The following RAD51D variants were observed in gnomAD, a reference collection of about 807,000 sequenced individuals.
The protein encoded by RAD51D is RAD51 paralog D, also known as DNA repair protein RAD51 homolog 4.
Under a neutral mutation model 44.1 loss-of-function variants are expected in RAD51D, and 38 were observed. The observed-to-expected ratio is 0.86, with a 90% CI of 0.67 to 1.13. The LOEUF (loss-of-function observed/expected upper bound fraction) is 1.13, where lower values mean the gene tolerates loss of function less well. RAD51D is among the 50% of genes most tolerant of loss of function. RAD51D has a pLI of 0.00. For missense variants in RAD51D, 390 were observed against 414.0 expected, an observed-to-expected ratio of 0.94 and a Z score of 0.50; for synonymous variants, 141 against 166.6, an observed-to-expected ratio of 0.85 and a Z score of 1.18.
At chr17:35,101,098 G>GC (rs2091530190) in intron 9 of RAD51D, 62 bp from the exon 10 acceptor site, 1 of 1,604,838 alleles carries the variant, frequency 6.2e-7, no homozygotes, top group Admixed American at 1.7e-5. Context: ...TTCTTTAGTT[G>GC]CAAGGTTTCA....
rs757986080 is a variant in RAD51D at position 35,101,363 on chromosome 17, C to A, written c.741G>T (p.Val247=). 1 of 1,613,496 alleles carries A rather than the reference C, an allele frequency of 6.2e-7. No homozygotes were observed. The highest frequency in any genetic ancestry group is 1.1e-5 in the South Asian group (1 of 91,046). Residue 247 remains valine (V), a splice_region_variant and synonymous_variant, in exon 9 of 10, where the codon GTG becomes GTT. Transcript: ENST00000345365. ...CCCTGTCTCGAGTTATGTGGTTGGTCACCTGCAGCAGAAACAGACTTACAG... is the reference window on the plus strand; with the variant it reads ...CCCTGTCTCGAGTTATGTGGTTGGTAACCTGCAGCAGAAACAGACTTACAG... ...LARDLGMAVV[V]TNHITRDRDS...
At chr17:35,118,865 CCCGAGTAGCTG>C (rs1280646328) in intron 2 of RAD51D, among the ~76,000 whole-genome samples, 1 of 152,236 alleles carries the variant, frequency 6.6e-6, no homozygotes, top group Non-Finnish European at 1.5e-5. Flanking sequence ...TCCTCAGCCT[CCCGAGTAGCTG>C]GGATTGTAGG....
chr17:35,112,392 T>C (rs1028137806), intron 3 of RAD51D, among the ~76,000 whole-genome samples: 2 of 152,000 alleles, frequency 1.3e-5, no homozygotes, highest in Non-Finnish European at 2.9e-5. Flanking sequence ...TTTGTTTTGT[T>C]TTTTTGAGAC....
At chr17:35,106,898 T>C (rs2142431102) in intron 5 of RAD51D, 90 bp downstream of exon 5, 2 of 1,589,374 alleles carry the variant, frequency 1.3e-6, no homozygotes, top group African/African-American at 1.3e-5. Context: ...AGGCAAGGAA[T>C]GACTATTCAA....
In RAD51D at chr17:35,103,646, C is replaced by G; in HGVS notation, c.577-102G>C. On this transcript the variant is annotated intron_variant, in intron 6 of 9. Coordinates refer to ENST00000345365, the MANE Select transcript of RAD51D (RefSeq NM_002878.4). This position sits in a 1 kb window ranked among gnomAD's most constrained non-coding sequence, Gnocchi z 4.1. ...CTAAAACTAGTAAGAAATAGCCCCC[C>G]CATCCCAAATACAGCAAGCTGCACG... 5.8e-6 allele frequency: 5 copies of G among 854,800 alleles called. No homozygotes were observed. The East Asian group carries it at 7.9e-5, about 13-fold the overall frequency. The allele number at this position is 854,800 out of a possible 1,614,324, so 53.0% of individuals were successfully genotyped here. A position where few individuals can be genotyped will look rare whatever the true frequency, so the allele number is the denominator to read the frequency against.
intron 8 of RAD51D, 38 bp from the exon 9 acceptor site, chr17:35,101,403 T>A (rs1265281875): frequency 1.2e-6 from 2 of 1,600,668 alleles, no homozygotes; most frequent in Non-Finnish European, 8.5e-7. Flanking sequence ...ATAATGCTAG[T>A]ATAGAGGACA....
In RAD51D at chr17:35,103,123, C is replaced by A. The variant is rs28363285; in HGVS notation, c.738+131G>T. 8.3e-3 allele frequency: 6,744 copies of A among 815,964 alleles called. 231 individuals carry two copies. In the African/African-American group the frequency reaches 0.084, roughly 10 times the overall value. The allele number at this position is 815,964 out of a possible 1,614,324, so 50.5% of individuals were successfully genotyped here. On this transcript the variant is annotated intron_variant, in intron 8 of 9. Transcript: ENST00000345365. This position sits in a 1 kb window ranked among gnomAD's most constrained non-coding sequence, Gnocchi z 4.1. ...AGCTATTTATGGTGCAAAGCTGTAGCTGACCCAGGGAAGCTGGGATATGTC... is the reference window on the plus strand; with the variant it reads ...AGCTATTTATGGTGCAAAGCTGTAGATGACCCAGGGAAGCTGGGATATGTC...
chr17:35,095,800 G>GAA lies in RAD51D; in HGVS notation c.*5151_*5152dup. Reference sequence around the variant, plus strand: ...CAAGAGCAAGACTCCATCTCAAAAAGAAAAAAAAAATTGACCTGAGGAGGC... The same window carrying GAA: ...CAAGAGCAAGACTCCATCTCAAAAAGAAAAAAAAAAAATTGACCTGAGGAGGC... On this transcript the variant is annotated 3_prime_UTR_variant, in exon 10 of 10. Coordinates refer to ENST00000345365, the MANE Select transcript of RAD51D (RefSeq NM_002878.4). 6.7e-6 allele frequency: 1 copy of GAA among 149,138 alleles called. No homozygotes were observed. The highest frequency in any genetic ancestry group is 1.5e-5 in the Non-Finnish European group (1 of 67,088). 9.2% of individuals were successfully genotyped at this position (149,138 alleles called of 1,614,324 possible). A position where few individuals can be genotyped will look rare whatever the true frequency, so the allele number is the denominator to read the frequency against.
At chr17:35,108,868 C>CT (rs35092882) in intron 3 of RAD51D, among the ~76,000 whole-genome samples, 278 of 122,600 alleles carry the variant, frequency 2.3e-3, no homozygotes, top group Non-Finnish European at 3.7e-3. Flanking sequence ...TTTTTCTTTT[C>CT]TTTTTTTTTT....
chr17:35,112,692 TTTTTTA>T (rs1567731578), intron 3 of RAD51D, among the ~76,000 whole-genome samples: 1 of 152,180 alleles, frequency 6.6e-6, no homozygotes, highest in Admixed American at 6.5e-5. Flanking sequence ...AATGGTAGTG[TTTTTTA>T]TTTTAGTTTT....
At chr17:35,104,210 A>ATGG (rs1251292406) in intron 6 of RAD51D, among the ~76,000 whole-genome samples, 1 of 152,138 alleles carries the variant, frequency 6.6e-6, no homozygotes, top group African/African-American at 2.4e-5. Flanking sequence ...GCCTCCCACC[A>ATGG]TGGTGGTAAG....
rs1254305633 is a variant in RAD51D, at chr17:35,093,238, A to G, written c.*7715T>C. The G allele has an allele frequency of 6.6e-6, 1 of 152,118 alleles. No individual in the cohort carries two copies. Among genetic ancestry groups the G allele is most frequent in the Non-Finnish European group, 1.5e-5 (1 of 67,992 alleles). 9.4% of individuals were successfully genotyped at this position (152,118 alleles called of 1,614,324 possible). A position where few individuals can be genotyped will look rare whatever the true frequency, so the allele number is the denominator to read the frequency against. ...CTATGAAACAGATATTATTTTTCCC[A>G]TTTCACGGTGGATGAAACTAAGGCT... On this transcript the variant is annotated 3_prime_UTR_variant, in exon 10 of 10. Transcript: ENST00000345365.
chr17:35,100,586 C>A lies in RAD51D; in HGVS notation c.*367G>T, dbSNP rs28363293. On this transcript the variant is annotated 3_prime_UTR_variant, in exon 10 of 10. Transcript: ENST00000345365. ...AGAGGCTTTCCCGGCTTGGCCACTGCGCTAGGAGGGAGCACAGGACACAAT... is the reference window on the plus strand; with the variant it reads ...AGAGGCTTTCCCGGCTTGGCCACTGAGCTAGGAGGGAGCACAGGACACAAT... 1.6e-5 allele frequency: 9 copies of A among 551,228 alleles called. No individual in the cohort carries two copies. The Admixed American group carries it at 2.0e-4, about 12-fold the overall frequency. 34.1% of individuals were successfully genotyped at this position (551,228 alleles called of 1,614,324 possible). A position where few individuals can be genotyped will look rare whatever the true frequency, so the allele number is the denominator to read the frequency against.
chr17:35,107,493 G>GAAAATCAAC (rs2091622728), intron 3 of RAD51D, 46 bp from the exon 4 acceptor site: 1 of 1,424,612 alleles, frequency 7.0e-7, no homozygotes, highest in African/African-American at 1.4e-5. Flanking sequence ...TTAGGAGGAA[G>GAAAATCAAC]ACAGGGGAAA....
Position 35,092,750 on chromosome 17 carries a change from T to A in RAD51D, c.*8203A>T, listed in dbSNP as rs1031563385. 3 of 152,130 alleles carry A rather than the reference T, an allele frequency of 2.0e-5. No individual in the cohort carries two copies. Among genetic ancestry groups the A allele is most frequent in the Admixed American group, 2.0e-4 (3 of 15,256 alleles). The allele number at this position is 152,130 out of a possible 1,614,324, so 9.4% of individuals were successfully genotyped here. On this transcript the variant is annotated 3_prime_UTR_variant, in exon 10 of 10. Coordinates refer to ENST00000345365, the MANE Select transcript of RAD51D (RefSeq NM_002878.4). ...TGTTTTTTTAATGAGAGAGGATGTG[T>A]AGGTTACTGAGAATGGAACAGTTAG...
At position 35,118,576 on chromosome 17, in the gene RAD51D, G is replaced by A. The variant is rs1486380443; in HGVS notation, c.188C>T (p.Ala63Val). Residue 63 changes from alanine to valine, a missense_variant, in exon 3 of 10, where the codon GCT becomes GTT. Physicochemically the swap from Ala to Val is moderately conservative, Grantham distance 64. Coordinates refer to ENST00000345365, the MANE Select transcript of RAD51D (RefSeq NM_002878.4). ...LRRVLLAQFS[A>V]FPVNGADLYE... ...GAGATCAGCGCCATTCACGGGGAAA[G>A]CCGAGAACTGAGCCAGCAGCACCCG... 6.2e-7 allele frequency: 1 copy of A among 1,614,186 alleles called. No individual in the cohort carries two copies. Among genetic ancestry groups the A allele is most frequent in the East Asian group, 2.2e-5 (1 of 44,878 alleles).
Position 35,118,639 on chromosome 17 carries a change from T to C in RAD51D, c.145-20A>G, listed in dbSNP as rs759639583. 2.5e-6 allele frequency: 4 copies of C among 1,596,022 alleles called. No homozygotes were observed. Among genetic ancestry groups the C allele is most frequent in the East Asian group, 4.5e-5 (2 of 44,790 alleles). On this transcript the variant is annotated intron_variant, in intron 2 of 9. Coordinates refer to ENST00000345365, the MANE Select transcript of RAD51D (RefSeq NM_002878.4). ...CAGGGCCTGCCAAAGGGCCCCAGAC[T>C]GCTCAGCAACAAATTGCCCGTAGAA...
chr17:35,112,721 G>C (rs74600299), intron 3 of RAD51D, among the ~76,000 whole-genome samples: 1 of 152,164 alleles, frequency 6.6e-6, no homozygotes, highest in South Asian at 2.1e-4. Flanking sequence ...CATGTTCACT[G>C]TGAGTATAGA....
At chr17:35,115,651 C>T (rs570199423) in intron 3 of RAD51D, among the ~76,000 whole-genome samples, 162 of 152,066 alleles carry the variant, frequency 1.1e-3, no homozygotes, top group African/African-American at 3.8e-3. Flanking sequence ...GGGCGGATCA[C>T]GAGGTCAGAA....
Sources: allele counts gnomAD v4.1 joint callset (sites outside exome capture counted in the v4.1 genomes callset), GRCh38; gene constraint gnomAD v4.1.1; non-coding constraint Gnocchi (gnomAD v3.1); transcripts MANE v1.5; gene names NCBI Gene and HGNC (gene_info 2026-07-23, HGNC 2026-07-21).